Variants in PTPRB observed in about 807,000 individuals in gnomAD.
The protein encoded by PTPRB is protein tyrosine phosphatase receptor type B.
In PTPRB, 97 loss-of-function variants were observed where a neutral mutation model predicts 238.1. The observed-to-expected ratio is 0.41, with a 90% CI of 0.35 to 0.48. The LOEUF is 0.48. Ranked by LOEUF, PTPRB falls within the 20% of genes least tolerant of loss-of-function variation. The probability of loss-of-function intolerance (pLI) is 0.30; values close to 1 mark genes in which losing one functional copy is unlikely to be tolerated. For synonymous variants in PTPRB, 970 were observed against 995.4 expected (o/e 0.97, Z 0.48); for missense variants, 2,292 against 2,681.9 (o/e 0.85, Z 3.21).
At position 70,579,791 on chromosome 12, in the gene PTPRB, T is replaced by A. The variant is rs2136416860; in HGVS notation, c.2578+1245A>T. Reference sequence around the variant, plus strand: ...TACACCAGTGAATTTCTACCAAGACTATGAAACATCTTCTCAGTGACTTCA... The same window carrying A: ...TACACCAGTGAATTTCTACCAAGACAATGAAACATCTTCTCAGTGACTTCA... On this transcript the variant is annotated intron_variant, in intron 10 of 33. Coordinates refer to ENST00000334414, the MANE Select transcript of PTPRB (RefSeq NM_001109754.4). Among the ~76,000 whole-genome samples, 2 of 151,808 alleles carry A rather than the reference T, an allele frequency of 1.3e-5. 1 individual carries two copies. The highest frequency in any genetic ancestry group is 4.2e-4 in the South Asian group (2 of 4,800).
chr12:70,539,881 C>T, intron 24 of PTPRB, 37 bp from the exon 25 acceptor site: 1 of 1,577,052 alleles, frequency 6.3e-7, no homozygotes, highest in Non-Finnish European at 8.7e-7. Flanking sequence ...ACTTTGTTAG[C>T]AAATTTCACA....
intron 14 of PTPRB, among the ~76,000 whole-genome samples, chr12:70,568,556 C>T (rs1468433638): frequency 1.3e-5 from 2 of 152,130 alleles, no homozygotes; most frequent in Non-Finnish European, 2.9e-5. Flanking sequence ...CTTGGCCTCC[C>T]AAAGTGCTGG....
rs774795436 is a variant in PTPRB, at chr12:70,544,552, C to A, written c.5494+5G>T. On this transcript the variant is annotated splice_donor_5th_base_variant and intron_variant, in intron 22 of 33. Transcript: ENST00000334414. ...GGTAGAACATGATGTAAAGGTTAGC[C>A]TTACCTGATTCAGTAGTGATGGGTA... The A allele has an allele frequency of 1.3e-6, 2 of 1,596,364 alleles. No homozygotes were observed. Among genetic ancestry groups the A allele is most frequent in the African/African-American group, 2.7e-5 (2 of 74,432 alleles).
chr12:70,555,790 G>C, intron 19 of PTPRB, 80 bp downstream of exon 19: 3 of 1,503,424 alleles, frequency 2.0e-6, no homozygotes, highest in Non-Finnish European at 2.7e-6. Context: ...GAATAGCAGT[G>C]ATGGATATGA....
intron 21 of PTPRB, among the ~76,000 whole-genome samples, chr12:70,549,458 A>T (rs1876554834): frequency 6.6e-6 from 1 of 152,202 alleles, no homozygotes; most frequent in South Asian, 2.1e-4. Flanking sequence ...GAACAATGGA[A>T]TAAAACATAT....
At chr12:70,608,601 T>G (rs1884159005) in intron 4 of PTPRB, 1 of 156,302 alleles carries the variant, frequency 6.4e-6, no homozygotes, top group Non-Finnish European at 1.4e-5. Context: ...TAATTTTCCC[T>G]GATGAATGGC....
At chr12:70,540,561 C>T (rs1874907747) in intron 23 of PTPRB, 1 of 309,082 alleles carries the variant, frequency 3.2e-6, no homozygotes, top group African/African-American at 2.2e-5. Flanking sequence ...AGGATATGAA[C>T]CACACACACA....
chr12:70,580,292 C>T (rs1881236996), intron 10 of PTPRB, among the ~76,000 whole-genome samples: 1 of 152,100 alleles, frequency 6.6e-6, no homozygotes, highest in African/African-American at 2.4e-5. Context: ...TATATGAGAC[C>T]TGAAAATTAG....
chr12:70,620,890 T>G (rs1884899967), intron 3 of PTPRB, among the ~76,000 whole-genome samples: 1 of 152,174 alleles, frequency 6.6e-6, no homozygotes, highest in Non-Finnish European at 1.5e-5. Flanking sequence ...AATTACTTAG[T>G]GGGTACAATG....
intron 6 of PTPRB, among the ~76,000 whole-genome samples, chr12:70,593,025 T>C (rs1003987242): frequency 1.3e-5 from 2 of 152,224 alleles, no homozygotes; most frequent in Non-Finnish European, 2.9e-5. Flanking sequence ...TATTCAATAA[T>C]ATTGAGTACA....
chr12:70,555,007 C>T (rs1256354627), intron 20 of PTPRB, 153 bp downstream of exon 20: 19 of 823,310 alleles, frequency 2.3e-5, no homozygotes, highest in Non-Finnish European at 2.9e-5. Flanking sequence ...CTTTTTCTTA[C>T]ATCTCCCTGT....
chr12:70,539,365 G>C (rs1349479563), intron 26 of PTPRB: 1 of 548,686 alleles, frequency 1.8e-6, no homozygotes. Context: ...GTCTGCATTT[G>C]AGATTTGTTA....
rs1233951859 is a variant in PTPRB, at chr12:70,518,919, G to T, written c.*2570C>A. On this transcript the variant is annotated 3_prime_UTR_variant, in exon 34 of 34. Coordinates refer to ENST00000334414, the MANE Select transcript of PTPRB (RefSeq NM_001109754.4). ...TGCCCACCAAGACAGGAAATGGAGT[G>T]TTTACCAAGACATAACACATGATGC... 6.6e-6 allele frequency: 1 copy of T among 152,010 alleles called. No individual in the cohort carries two copies. The highest frequency in any genetic ancestry group is 2.4e-5 in the African/African-American group (1 of 41,402). 9.4% of individuals were successfully genotyped at this position (152,010 alleles called of 1,614,324 possible).
Position 70,555,181 on chromosome 12 carries a change from C to T in PTPRB, c.5122G>A (p.Val1708Met). Residue 1708 changes from valine to methionine, a missense_variant, in exon 20 of 34, where the codon GTG becomes ATG. Transcript: ENST00000334414. The part of the protein sequence containing the change: ...DTNGAVKYFT[V>M]VVREADGSDE... The stretch of plus-strand genomic sequence containing the variant: ...TTACCATCAGCCTCTCTCACCACCA[C>T]TGTGAAGTATTTCACAGCTCCATTG... 1 of 1,613,898 alleles carries T rather than the reference C, an allele frequency of 6.2e-7. No homozygotes were observed. Among genetic ancestry groups the T allele is most frequent in the East Asian group, 2.2e-5 (1 of 44,874 alleles).
rs375586585 is a variant in PTPRB, at chr12:70,555,222, C to T, written c.5081G>A (p.Ser1694Asn). The T allele has an allele frequency of 1.2e-6, 2 of 1,613,798 alleles. No individual in the cohort carries two copies. Among genetic ancestry groups the T allele is most frequent in the African/African-American group, 2.7e-5 (2 of 74,906 alleles). Residue 1694 changes from serine to asparagine, a missense_variant, in exon 20 of 34, where the codon AGC (serine) becomes AAC (asparagine). Ser to Asn is a conservative substitution (Grantham distance 46, BLOSUM62 1). Coordinates refer to ENST00000334414, the MANE Select transcript of PTPRB (RefSeq NM_001109754.4). ...KSSINFTVNC[S>N]WFSDTNGAVK... The stretch of plus-strand genomic sequence containing the variant: ...AGCTCCATTGGTGTCGCTGAACCAG[C>T]TGCAGTTGACAGTAAAGTTGATGGA...
chr12:70,635,945 C>T lies in PTPRB; in HGVS notation c.177G>A (p.Lys59=). 6.2e-7 allele frequency: 1 copy of T among 1,613,672 alleles called. No individual in the cohort carries two copies. The highest frequency in any genetic ancestry group is 8.5e-7 in the Non-Finnish European group (1 of 1,179,810). The change falls in exon 2 of 34, where the codon AAG becomes AAA. Residue 59 remains lysine, a synonymous_variant. Coordinates refer to ENST00000334414, the MANE Select transcript of PTPRB (RefSeq NM_001109754.4). The part of the protein sequence containing the change: ...NQQWMWTEDE[K]LLHVKSALCL... ...ACAGTGCAGATTTAACATGAAGGAG[C>T]TTTTCATCCTCAGTCCACATCCACT...
In PTPRB at chr12:70,590,049, C is replaced by G; in HGVS notation, c.1965G>C (p.Gly655=). ...CCTCATACTGTCTTCCCGGTACGAG[C>G]CCCGTGTCATCCATGACATACTGTG... ...EETQYVMDDT[G]LVPGRQYEVE... The change falls in exon 8 of 34, where the codon GGG becomes GGC. Residue 655 remains glycine, a synonymous_variant. Transcript: ENST00000334414. 1 of 1,613,964 alleles carries G rather than the reference C, an allele frequency of 6.2e-7. No individual in the cohort carries two copies. Among genetic ancestry groups the G allele is most frequent in the Non-Finnish European group, 8.5e-7 (1 of 1,179,860 alleles).
At chr12:70,589,102 T>C (rs1882227972) in intron 8 of PTPRB, among the ~76,000 whole-genome samples, 1 of 152,192 alleles carries the variant, frequency 6.6e-6, no homozygotes, top group Non-Finnish European at 1.5e-5. Flanking sequence ...GAGATGCTTG[T>C]CCTGTGAAAT....
At chr12:70,592,636 G>A in intron 6 of PTPRB, 91 bp from the exon 7 acceptor site, 1 of 1,347,216 alleles carries the variant, frequency 7.4e-7, no homozygotes, top group Non-Finnish European at 1.0e-6. Context: ...ATTTCTGCAA[G>A]CCACATTCCT....
Sources: allele counts gnomAD v4.1 joint callset (sites outside exome capture counted in the v4.1 genomes callset), GRCh38; gene constraint gnomAD v4.1.1; transcripts MANE v1.5; gene names NCBI Gene and HGNC (gene_info 2026-07-23, HGNC 2026-07-21).